ZFHX3: variants seen among roughly 807,000 people sequenced by gnomAD.
ZFHX3 encodes zinc finger homeobox 3.
ZFHX3 carries 42 observed loss-of-function variants against 279.1 expected under a neutral mutation model. That is an observed-to-expected ratio of 0.15 (90% CI 0.12 to 0.19). ZFHX3 has a LOEUF of 0.19. Ranked by LOEUF, ZFHX3 falls within the 10% of genes least tolerant of loss-of-function variation. The probability of loss-of-function intolerance (pLI) is 1.00; values close to 1 mark genes in which losing one functional copy is unlikely to be tolerated. For missense variants in ZFHX3, 4,981 were observed against 4,754.0 expected (o/e 1.05, Z -1.40); for synonymous variants, 2,293 against 1,957.8 (o/e 1.17, Z -4.52).
At chr16:73,519,094 G>A (rs954141203) in intron 2 of ZFHX3, among the ~76,000 whole-genome samples, 4 of 152,064 alleles carry the variant, frequency 2.6e-5, no homozygotes, top group Admixed American at 1.3e-4. Context: ...GAGAATAAAG[G>A]GGAGATCTGC....
At chr16:73,807,719 C>A (rs993942157) in intron 1 of ZFHX3, among the ~76,000 whole-genome samples, 4 of 148,350 alleles carry the variant, frequency 2.7e-5, no homozygotes, top group Admixed American at 1.4e-4. Context: ...AATCCACCCA[C>A]ATCAGCCTCC....
chr16:73,180,926 G>A (rs1967776570), intron 5 of ZFHX3, among the ~76,000 whole-genome samples: 1 of 152,316 alleles, frequency 6.6e-6, no homozygotes, highest in African/African-American at 2.4e-5. Context: ...GCCGCCCAAA[G>A]TGCTGGGATT....
At chr16:73,659,765 T>C (rs2052761078) in intron 2 of ZFHX3, among the ~76,000 whole-genome samples, 1 of 152,186 alleles carries the variant, frequency 6.6e-6, no homozygotes, top group South Asian at 2.1e-4. Flanking sequence ...CATCTGGGCG[T>C]ATATCGTGTA....
At chr16:73,431,005 A>T (rs147607785) in intron 3 of ZFHX3, among the ~76,000 whole-genome samples, 175 of 152,316 alleles carry the variant, frequency 1.1e-3, no homozygotes, top group African/African-American at 4.2e-3. Context: ...TCTCCATAGA[A>T]GTAAAGAGAA....
At chr16:73,537,200 T>C (rs2019917463) in intron 2 of ZFHX3, among the ~76,000 whole-genome samples, 1 of 152,064 alleles carries the variant, frequency 6.6e-6, no homozygotes. Context: ...CAGCAGCTGA[T>C]GGCTCAGAGT....
intron 2 of ZFHX3, among the ~76,000 whole-genome samples, chr16:73,571,631 T>C (rs2051736996): frequency 9.2e-6 from 1 of 108,722 alleles, no homozygotes; most frequent in African/African-American, 3.8e-5. Flanking sequence ...AGTATTAAAA[T>C]AGAATTAATT....
chr16:73,503,734 C>T (rs545658863), intron 2 of ZFHX3, among the ~76,000 whole-genome samples: 1 of 152,190 alleles, frequency 6.6e-6, no homozygotes, highest in African/African-American at 2.4e-5. Flanking sequence ...GTGGGGGAGG[C>T]TTCCTCCATG....
intron 2 of ZFHX3, among the ~76,000 whole-genome samples, chr16:73,538,506 G>A (rs2019948871): frequency 6.6e-6 from 1 of 152,102 alleles, no homozygotes; most frequent in African/African-American, 2.4e-5. Flanking sequence ...CCCTGAAAAA[G>A]TCATGTAAGT....
intron 3 of ZFHX3, among the ~76,000 whole-genome samples, chr16:72,890,605 T>G (rs1001349994): frequency 1.6e-4 from 24 of 151,924 alleles, no homozygotes; most frequent in African/African-American, 5.3e-4. Context: ...GCCCCAGCCA[T>G]GTGGCTTTTC....
chr16:73,630,106 GA>G (rs1217184861), intron 2 of ZFHX3, among the ~76,000 whole-genome samples: 6 of 149,614 alleles, frequency 4.0e-5, no homozygotes, highest in East Asian at 1.9e-4. Flanking sequence ...TCAGCACATT[GA>G]AAAAAAAAAT....
chr16:73,217,349 C>A (rs770833959), intron 5 of ZFHX3, among the ~76,000 whole-genome samples: 64 of 152,194 alleles, frequency 4.2e-4, no homozygotes, highest in African/African-American at 1.4e-3. Flanking sequence ...AGTTCAGACA[C>A]CTTCCTTTGA....
At chr16:73,517,110 G>A (rs181587898) in intron 2 of ZFHX3, among the ~76,000 whole-genome samples, 32 of 152,234 alleles carry the variant, frequency 2.1e-4, no homozygotes, top group Admixed American at 1.8e-3. Context: ...TTTTCCTTCA[G>A]TCTCGCTTTA....
At chr16:73,171,560 G>A (rs1053581555) in intron 5 of ZFHX3, among the ~76,000 whole-genome samples, 7 of 152,170 alleles carry the variant, frequency 4.6e-5, no homozygotes, top group African/African-American at 9.7e-5. Context: ...CAGCCGCAAA[G>A]GGGAATCTGT....
chr16:73,196,741 G>A (rs373109503), intron 5 of ZFHX3, among the ~76,000 whole-genome samples: 9 of 152,256 alleles, frequency 5.9e-5, no homozygotes, highest in Non-Finnish European at 7.4e-5. Context: ...AGACCCATAC[G>A]TGTAGGTGGC....
intron 1 of ZFHX3, among the ~76,000 whole-genome samples, chr16:72,985,924 AT>A (rs1312697191): frequency 2.0e-5 from 3 of 152,178 alleles, no homozygotes; most frequent in Non-Finnish European, 4.4e-5. Flanking sequence ...TGCCAAGCAG[AT>A]GATAAAACTG....
intron 1 of ZFHX3, among the ~76,000 whole-genome samples, chr16:73,746,318 G>T (rs185928893): frequency 2.8e-4 from 43 of 151,456 alleles, no homozygotes; most frequent in African/African-American, 8.7e-4. Context: ...AAAGCGAGGA[G>T]AAGGAAAAAG....
chr16:73,414,746 G>C (rs978075089), intron 3 of ZFHX3, among the ~76,000 whole-genome samples: 5 of 152,158 alleles, frequency 3.3e-5, no homozygotes, highest in Non-Finnish European at 5.9e-5. Flanking sequence ...GCTGAGGTGG[G>C]AAGAACTTGA....
chr16:73,417,833 T>A (rs1354461718), intron 3 of ZFHX3, among the ~76,000 whole-genome samples: 14 of 149,098 alleles, frequency 9.4e-5, no homozygotes, highest in African/African-American at 3.2e-4. Flanking sequence ...AATAAAAAAA[T>A]AAAAAATTAG....
At chr16:73,360,364 A>C (rs2016415563) in intron 3 of ZFHX3, among the ~76,000 whole-genome samples, 1 of 152,202 alleles carries the variant, frequency 6.6e-6, no homozygotes, top group Admixed American at 6.5e-5. Context: ...TGTGAGACGA[A>C]GGCTTACTCT....
Sources: allele counts gnomAD v4.1 joint callset (sites outside exome capture counted in the v4.1 genomes callset), GRCh38; gene constraint gnomAD v4.1.1; transcripts MANE v1.5; gene names NCBI Gene and HGNC (gene_info 2026-07-23, HGNC 2026-07-21).